Variants in TPM2 observed in about 807,000 individuals in gnomAD.
The protein encoded by TPM2 is tropomyosin 2.
In TPM2, 26 loss-of-function variants were observed where a neutral mutation model predicts 41.0. The observed-to-expected ratio is 0.63, with a 90% CI of 0.46 to 0.88. The LOEUF (loss-of-function observed/expected upper bound fraction) is 0.88. Among genes scored for constraint, TPM2 ranks in the 40% least tolerant of loss-of-function variants. The pLI, the probability that TPM2 is intolerant of heterozygous loss-of-function variation, is 0.00. For missense variants in TPM2, 187 were observed against 355.2 expected (o/e 0.53, Z 3.81); for synonymous variants, 143 against 139.3 (o/e 1.03, Z -0.19).
At chr9:35,682,212 ACGTGGGGAG>A (rs1824603226), downstream of TPM2, 8 of 1,597,758 alleles carry the variant, frequency 5.0e-6, no homozygotes, top group Non-Finnish European at 6.9e-6. Flanking sequence ...CAAGGGGGAG[ACGTGGGGAG>A]GCAGGGCCAG....
chr9:35,682,564 A>G (rs1236709487), downstream of TPM2: 2 of 1,239,290 alleles, frequency 1.6e-6, no homozygotes, highest in Non-Finnish European at 1.0e-6. Context: ...GATATCCAAC[A>G]TTTTTCCAAG....
intron 7 of TPM2, 46 bp from the exon 8 acceptor site, chr9:35,684,361 T>C: frequency 1.9e-6 from 3 of 1,611,360 alleles, no homozygotes; most frequent in Non-Finnish European, 1.7e-6. Context: ...AATTAGGCCC[T>C]CCCACAGACT....
At chr9:35,688,457 A>G (rs562744092) in intron 2 of TPM2, among the ~76,000 whole-genome samples, 1 of 152,324 alleles carries the variant, frequency 6.6e-6, no homozygotes, top group African/African-American at 2.4e-5. Context: ...TGGGAATGGC[A>G]GGAAGTGAAG....
chr9:35,686,795 T>A (rs531529363), intron 2 of TPM2, among the ~76,000 whole-genome samples: 1 of 152,138 alleles, frequency 6.6e-6, no homozygotes, highest in African/African-American at 2.4e-5. Flanking sequence ...CTGGGGGCAA[T>A]GCAGGGGCAG....
chr9:35,685,888 G>A lies in TPM2; in HGVS notation c.241-108C>T. 1 of 1,556,670 alleles carries A rather than the reference G, an allele frequency of 6.4e-7. No homozygotes were observed. The highest frequency in any genetic ancestry group is 8.8e-7 in the Non-Finnish European group (1 of 1,134,458). On this transcript the variant is annotated intron_variant, in intron 2 of 8. Coordinates refer to ENST00000645482, the MANE Select transcript of TPM2 (RefSeq NM_003289.4). This position sits in a 1 kb window ranked among gnomAD's most constrained non-coding sequence, Gnocchi z 5.0. Reference sequence around the variant, plus strand: ...TTCTCAGAAAGAACTGAGGCTTCCTGGTTTCTAGACATTCTATGTGATTTT... The same window carrying A: ...TTCTCAGAAAGAACTGAGGCTTCCTAGTTTCTAGACATTCTATGTGATTTT...
At chr9:35,686,828 C>T (rs986433096) in intron 2 of TPM2, among the ~76,000 whole-genome samples, 1 of 152,024 alleles carries the variant, frequency 6.6e-6, no homozygotes. Context: ...CTACTCAGCC[C>T]CTGGGCTTGC....
Position 35,685,630 on chromosome 9 carries a change from C to T in TPM2, c.374+17G>A. On this transcript the variant is annotated intron_variant, in intron 3 of 8. Transcript: ENST00000645482. This position sits in a 1 kb window ranked among gnomAD's most constrained non-coding sequence, Gnocchi z 5.0. Reference sequence around the variant, plus strand: ...CCTTCTCCCTCCCGGACCATCCTCCCCGAGGCCCCTGACCACCTCTCGCTC... The same window carrying T: ...CCTTCTCCCTCCCGGACCATCCTCCTCGAGGCCCCTGACCACCTCTCGCTC... 1.2e-6 allele frequency: 2 copies of T among 1,614,188 alleles called. No individual in the cohort carries two copies. Among genetic ancestry groups the T allele is most frequent in the Non-Finnish European group, 1.7e-6 (2 of 1,180,040 alleles).
chr9:35,687,256 C>CT lies in TPM2; in HGVS notation c.241-1477dup, dbSNP rs1028123446. 4.3e-4 allele frequency among the ~76,000 whole-genome samples: 64 copies of CT among 149,332 alleles called. No individual in the cohort carries two copies. The East Asian group carries it at 8.2e-3, about 19-fold the overall frequency. ...TAGGGCGGGGGCTTGGGAATCTTCT[C>CT]TTTTTTTTTTAAAGCCCCCGAGTGA... On this transcript the variant is annotated intron_variant, in intron 2 of 8. Coordinates refer to ENST00000645482, the MANE Select transcript of TPM2 (RefSeq NM_003289.4).
At chr9:35,684,691 C>A (rs1202092063) in intron 6 of TPM2, 41 bp downstream of exon 6, 1 of 1,614,152 alleles carries the variant, frequency 6.2e-7, no homozygotes, top group East Asian at 2.2e-5. Flanking sequence ...CCTCCCTCCC[C>A]TGTGGGACCC....
chr9:35,686,151 G>A (rs183561590), intron 2 of TPM2, among the ~76,000 whole-genome samples: 121 of 152,178 alleles, frequency 8.0e-4, no homozygotes, highest in African/African-American at 2.7e-3. Context: ...TTGGGAGGCT[G>A]AGGCACAAGA....
At chr9:35,689,399 G>T in intron 1 of TPM2, 128 bp from the exon 2 acceptor site, 1 of 1,496,672 alleles carries the variant, frequency 6.7e-7, no homozygotes, top group Non-Finnish European at 8.9e-7. Context: ...ACATAAAAGG[G>T]ACAGTACAGT....
At chr9:35,682,712 G>C, downstream of TPM2, 1 of 1,314,506 alleles carries the variant, frequency 7.6e-7, no homozygotes, top group African/African-American at 1.5e-5. Context: ...AGGCGGTCAT[G>C]GTTTGATGGG....
At chr9:35,689,598 T>G in intron 1 of TPM2, 106 bp downstream of exon 1, 13 of 1,582,858 alleles carry the variant, frequency 8.2e-6, no homozygotes, top group East Asian at 2.2e-5. Flanking sequence ...CCACCCTGGG[T>G]GAGAGAGAGC....
chr9:35,682,345 C>T (rs142910235), downstream of TPM2: 150 of 950,190 alleles, frequency 1.6e-4, 1 homozygote, highest in Middle Eastern at 1.3e-3. Flanking sequence ...GGGAACAGGA[C>T]GGACGTGGAT....
intron 5 of TPM2, 61 bp from the exon 6 acceptor site, chr9:35,684,868 A>T: frequency 6.2e-7 from 1 of 1,613,400 alleles, no homozygotes; most frequent in Non-Finnish European, 8.5e-7. Flanking sequence ...CAGACAGTGG[A>T]GATGGCACAG....
At chr9:35,689,066 C>G (rs142450081) in intron 2 of TPM2, 80 bp downstream of exon 2, 1 of 1,549,122 alleles carries the variant, frequency 6.5e-7, no homozygotes, top group Non-Finnish European at 8.9e-7. Flanking sequence ...ATAAGGTGCC[C>G]CAATCCTCTT....
At chr9:35,684,640 C>G in intron 6 of TPM2, 90 bp from the exon 7 acceptor site, 1 of 1,613,368 alleles carries the variant, frequency 6.2e-7, no homozygotes. Flanking sequence ...GTCATCTTGC[C>G]TCCGTTGAAC....
At chr9:35,688,237 G>A (rs1347909006) in intron 2 of TPM2, among the ~76,000 whole-genome samples, 1 of 152,202 alleles carries the variant, frequency 6.6e-6, no homozygotes, top group Admixed American at 6.5e-5. Flanking sequence ...GGTCACAGAA[G>A]CCCAACCCCT....
intron 7 of TPM2, 21 bp downstream of exon 7, chr9:35,684,467 G>A (rs1321231770): frequency 6.2e-7 from 1 of 1,614,134 alleles, no homozygotes; most frequent in Admixed American, 1.7e-5. Context: ...GGGAGACTGG[G>A]AACTGGAAGA....
Sources: allele counts gnomAD v4.1 joint callset (sites outside exome capture counted in the v4.1 genomes callset), GRCh38; gene constraint gnomAD v4.1.1; non-coding constraint Gnocchi (gnomAD v3.1); transcripts MANE v1.5; gene names NCBI Gene and HGNC (gene_info 2026-07-23, HGNC 2026-07-21).